Variants in ADGRB3 observed in about 807,000 individuals in gnomAD.
ADGRB3 encodes the protein brain-specific angiogenesis inhibitor 3.
Under a neutral mutation model 193.4 loss-of-function variants are expected in ADGRB3, and 37 were observed. The ratio of observed to expected loss-of-function variants is 0.19; its 90% CI spans 0.15 to 0.25. ADGRB3 has a LOEUF of 0.25. Ranked by LOEUF, ADGRB3 falls within the 10% of genes least tolerant of loss-of-function variation. The probability of loss-of-function intolerance (pLI) is 1.00; values close to 1 mark genes in which losing one functional copy is unlikely to be tolerated. For missense variants in ADGRB3, 1,637 were observed against 1,852.9 expected (o/e 0.88, Z 2.14); for synonymous variants, 690 against 644.2 (o/e 1.07, Z -1.08).
At chr6:69,387,317 G>A (rs1409483904) in intron 31 of ADGRB3, among the ~76,000 whole-genome samples, 1 of 152,048 alleles carries the variant, frequency 6.6e-6, no homozygotes, top group East Asian at 1.9e-4. Context: ...CAGAGAGGGA[G>A]AGAGGAAAGA....
At chr6:68,704,460 T>C (rs1458608591) in intron 3 of ADGRB3, among the ~76,000 whole-genome samples, 3 of 152,154 alleles carry the variant, frequency 2.0e-5, no homozygotes, top group African/African-American at 4.8e-5. Context: ...TTAGAAAATA[T>C]TTCTATCAAT....
At chr6:69,212,164 A>T (rs780433277) in intron 17 of ADGRB3, among the ~76,000 whole-genome samples, 2 of 152,230 alleles carry the variant, frequency 1.3e-5, no homozygotes, top group African/African-American at 2.4e-5. Flanking sequence ...ACAGTACAGC[A>T]TTCGAAAAAA....
At chr6:68,700,737 C>T (rs773776204) in intron 3 of ADGRB3, among the ~76,000 whole-genome samples, 14 of 148,628 alleles carry the variant, frequency 9.4e-5, no homozygotes, top group South Asian at 2.1e-4. Flanking sequence ...AGCCAAACAC[C>T]GCATGTTCTC....
At chr6:69,183,299 AC>A (rs1222300197) in intron 17 of ADGRB3, among the ~76,000 whole-genome samples, 11 of 152,146 alleles carry the variant, frequency 7.2e-5, no homozygotes, top group African/African-American at 2.7e-4. Flanking sequence ...TACTTCAATG[AC>A]TTAAAATTGC....
intron 20 of ADGRB3, among the ~76,000 whole-genome samples, chr6:69,255,454 T>G (rs28833482): frequency 2.0e-5 from 3 of 152,276 alleles, no homozygotes; most frequent in Non-Finnish European, 2.9e-5. Context: ...TTCTCTGATG[T>G]CCAGTGATGG....
intron 3 of ADGRB3, among the ~76,000 whole-genome samples, chr6:68,863,304 G>A (rs144316653): frequency 8.6e-5 from 13 of 152,022 alleles, no homozygotes; most frequent in African/African-American, 3.1e-4. Flanking sequence ...GAAATTCTTA[G>A]TAAAGTTACC....
intron 17 of ADGRB3, among the ~76,000 whole-genome samples, chr6:69,175,674 A>G (rs2150349449): frequency 6.6e-6 from 1 of 152,290 alleles, no homozygotes; most frequent in Admixed American, 6.5e-5. Context: ...AGTTATTTGA[A>G]AAACTATTTG....
chr6:68,955,974 T>A lies in ADGRB3; in HGVS notation c.1196-50T>A, dbSNP rs1768059577. ...TTTTACCAGGTACTTTCTGTACAGC[T>A]TGTCCTATTGGAAGATATCCTCATG... On this transcript the variant is annotated intron_variant, in intron 6 of 31. Transcript: ENST00000370598. 1.9e-6 allele frequency: 3 copies of A among 1,586,224 alleles called. No homozygotes were observed. The Admixed American group carries it at 5.2e-5, about 27-fold the overall frequency.
At chr6:68,820,216 T>C (rs1474681698) in intron 3 of ADGRB3, among the ~76,000 whole-genome samples, 2 of 151,990 alleles carry the variant, frequency 1.3e-5, no homozygotes, top group African/African-American at 4.8e-5. Flanking sequence ...TTTCTCTCTT[T>C]ACAAAACTCT....
chr6:68,903,854 C>T (rs1766464031), intron 3 of ADGRB3, among the ~76,000 whole-genome samples: 1 of 151,484 alleles, frequency 6.6e-6, no homozygotes, highest in Non-Finnish European at 1.5e-5. Context: ...AAAAAATAGC[C>T]AAGTGAGGTG....
chr6:69,298,761 A>G (rs1272199832), intron 20 of ADGRB3, among the ~76,000 whole-genome samples: 6 of 151,984 alleles, frequency 3.9e-5, no homozygotes, highest in African/African-American at 1.2e-4. Context: ...TATTAATATG[A>G]CTTTTTAAAC....
chr6:69,137,480 A>C (rs1774187101), intron 17 of ADGRB3, among the ~76,000 whole-genome samples: 1 of 151,966 alleles, frequency 6.6e-6, no homozygotes, highest in South Asian at 2.1e-4. Context: ...GAAACAAGAG[A>C]GTTCACTATA....
chr6:68,889,364 T>C (rs980738343), intron 3 of ADGRB3, among the ~76,000 whole-genome samples: 5 of 152,202 alleles, frequency 3.3e-5, no homozygotes, highest in African/African-American at 7.2e-5. Context: ...CTGAATTTTG[T>C]TGATGGCTGA....
chr6:69,063,723 C>A (rs1771818714), intron 16 of ADGRB3, among the ~76,000 whole-genome samples: 1 of 151,956 alleles, frequency 6.6e-6, no homozygotes, highest in Non-Finnish European at 1.5e-5. Flanking sequence ...AGAACCCATT[C>A]TTAAATCTAT....
intron 13 of ADGRB3, among the ~76,000 whole-genome samples, chr6:69,034,679 CAG>C (rs796463336): frequency 1.3e-5 from 2 of 148,690 alleles, no homozygotes; most frequent in African/African-American, 2.5e-5. Context: ...GAGAGGAAGA[CAG>C]AGAGAGAGTG....
In ADGRB3 at chr6:69,361,379, C is replaced by T; in HGVS notation, c.4106C>T (p.Pro1369Leu). 6.2e-7 allele frequency: 1 copy of T among 1,612,976 alleles called. No homozygotes were observed. Among genetic ancestry groups the T allele is most frequent in the Non-Finnish European group, 8.5e-7 (1 of 1,179,238 alleles). Reference protein sequence around the residue: ...FNMNLEQHLAPQEHMQNLPFE... With the variant: ...FNMNLEQHLALQEHMQNLPFE... ...ATGAACTTAGAGCAACATCTCGCACCCCAGGAACATATGCAGAATTTGCCC... is the reference window on the plus strand; with the variant it reads ...ATGAACTTAGAGCAACATCTCGCACTCCAGGAACATATGCAGAATTTGCCC... The change falls in exon 29 of 32, where the codon CCC becomes CTC. Residue 1369 changes from proline to leucine, a missense_variant. This residue lies in a region of ADGRB3 where 368 missense variants were observed against 367.4 expected (regional missense o/e 1.00). Transcript: ENST00000370598.
chr6:68,976,264 A>G (rs1285066610), intron 10 of ADGRB3, among the ~76,000 whole-genome samples: 1 of 152,182 alleles, frequency 6.6e-6, no homozygotes, highest in Non-Finnish European at 1.5e-5. Context: ...AACTAATAGA[A>G]TTAGTATTTG....
chr6:68,945,540 A>T (rs1445141347), intron 6 of ADGRB3, among the ~76,000 whole-genome samples: 1 of 152,142 alleles, frequency 6.6e-6, no homozygotes, highest in Non-Finnish European at 1.5e-5. Flanking sequence ...TAACATTTAC[A>T]TAGAATCAAA....
intron 3 of ADGRB3, among the ~76,000 whole-genome samples, chr6:68,713,873 A>G (rs935060122): frequency 5.9e-5 from 9 of 151,682 alleles, no homozygotes; most frequent in Non-Finnish European, 1.2e-4. Context: ...AGAATTTTAT[A>G]TAATCATTAT....
Sources: gnomAD v4.1 joint callset for allele counts (sites outside exome capture counted in the v4.1 genomes callset) on GRCh38, gnomAD v4.1.1 for gene constraint, gnomAD v4.1.1 regional missense constraint, MANE v1.5 for transcripts, NCBI Gene and HGNC (gene_info 2026-07-23, HGNC 2026-07-21) for gene names.